The following TRAPPC9 variants were observed in gnomAD, a reference collection of about 807,000 sequenced individuals.
TRAPPC9 encodes the protein trafficking protein particle complex subunit 9.
Under a neutral mutation model 124.0 loss-of-function variants are expected in TRAPPC9, and 83 were observed. That is an observed-to-expected ratio of 0.67 (90% CI 0.56 to 0.80). The LOEUF (loss-of-function observed/expected upper bound fraction) is 0.80, where lower values mean the gene tolerates loss of function less well. TRAPPC9 is among the 30% of genes least tolerant of loss of function. The pLI is 0.00. For synonymous variants in TRAPPC9, 638 were observed against 617.5 expected, an observed-to-expected ratio of 1.03 and a Z score of -0.49; for missense variants, 1,302 against 1,508.3, an observed-to-expected ratio of 0.86 and a Z score of 2.27.
chr8:140,076,295 C>A (rs897533621), intron 17 of TRAPPC9, among the ~76,000 whole-genome samples: 1 of 152,322 alleles, frequency 6.6e-6, no homozygotes, highest in East Asian at 1.9e-4. Flanking sequence ...GAGCTGCCCT[C>A]CCCTGGCTGC....
In TRAPPC9 at chr8:140,161,935, G is replaced by A. The variant is rs551189567; in HGVS notation, c.2556+59524C>T. On this transcript the variant is annotated intron_variant, in intron 17 of 22. Coordinates refer to ENST00000438773, the MANE Select transcript of TRAPPC9 (RefSeq NM_001160372.4). The stretch of plus-strand genomic sequence containing the variant: ...CAAAGAGGCCTGGTTGCAGGCAGAC[G>A]GGCAGCCTCCCGCAGCCAAGCCCGA... Among the ~76,000 whole-genome samples, 128 of 152,212 alleles carry A rather than the reference G, an allele frequency of 8.4e-4. 1 individual carries two copies. Among genetic ancestry groups the A allele is most frequent in the African/African-American group, 2.9e-3 (122 of 41,528 alleles).
chr8:140,383,175 T>A (rs921088441), intron 7 of TRAPPC9, among the ~76,000 whole-genome samples: 1 of 152,012 alleles, frequency 6.6e-6, no homozygotes, highest in South Asian at 2.1e-4. Flanking sequence ...ATCACCATCA[T>A]CAAAGACCAA....
intron 4 of TRAPPC9, among the ~76,000 whole-genome samples, chr8:140,430,193 C>T (rs1330814539): frequency 6.6e-6 from 1 of 152,028 alleles, no homozygotes; most frequent in East Asian, 1.9e-4. Flanking sequence ...TTACAAATGT[C>T]CCTTCTAATC....
chr8:140,453,443 C>A (rs1161640413), intron 1 of TRAPPC9, among the ~76,000 whole-genome samples: 2 of 148,468 alleles, frequency 1.3e-5, no homozygotes, highest in Non-Finnish European at 3.0e-5. Flanking sequence ...TGCTATAAGA[C>A]CTCTGTGAAA....
At position 140,023,986 on chromosome 8, in the gene TRAPPC9, C is replaced by A. The variant is rs2131922578; in HGVS notation, c.2650G>T (p.Val884Phe). The stretch of plus-strand genomic sequence containing the variant: ...CGGGTGAAAAATACAGACGGCTCGA[C>A]TTCTACATGCAGCCCCAGGGAGAGA... ...RNLSLGLHVE[V>F]EPSVFFTRVS... The change falls in exon 18 of 23, where the codon GTC becomes TTC. Residue 884 changes from valine to phenylalanine, a missense_variant. Physicochemically the swap from Val to Phe is conservative, Grantham distance 50. Coordinates refer to ENST00000438773, the MANE Select transcript of TRAPPC9 (RefSeq NM_001160372.4). 6.2e-7 allele frequency: 1 copy of A among 1,614,140 alleles called. No homozygotes were observed. Among genetic ancestry groups the A allele is most frequent in the Non-Finnish European group, 8.5e-7 (1 of 1,180,028 alleles).
intron 17 of TRAPPC9, among the ~76,000 whole-genome samples, chr8:140,179,873 G>C (rs58346883): frequency 6.6e-6 from 1 of 151,636 alleles, no homozygotes; most frequent in Non-Finnish European, 1.5e-5. Flanking sequence ...TATTAATAAA[G>C]TTGTTCCTGC....
intron 19 of TRAPPC9, among the ~76,000 whole-genome samples, chr8:139,969,965 C>G (rs1327344850): frequency 6.6e-6 from 1 of 152,250 alleles, no homozygotes; most frequent in Non-Finnish European, 1.5e-5. Flanking sequence ...ATCCAAGTTT[C>G]CAGCCAGTTT....
intron 17 of TRAPPC9, among the ~76,000 whole-genome samples, chr8:140,166,452 C>A (rs1407221763): frequency 1.3e-5 from 2 of 152,226 alleles, no homozygotes; most frequent in East Asian, 3.9e-4. Flanking sequence ...TCCTCACCTC[C>A]AGGGAGCTCA....
chr8:140,014,776 G>A (rs139149936), intron 18 of TRAPPC9, among the ~76,000 whole-genome samples: 3 of 152,256 alleles, frequency 2.0e-5, no homozygotes, highest in South Asian at 2.1e-4. Context: ...ACTCACGAAC[G>A]CACAGGACAA....
intron 19 of TRAPPC9, among the ~76,000 whole-genome samples, chr8:139,955,179 C>T (rs899510661): frequency 6.6e-6 from 1 of 152,126 alleles, no homozygotes; most frequent in Non-Finnish European, 1.5e-5. Flanking sequence ...CACCAGCCAT[C>T]GGCACCATCT....
chr8:140,365,373 T>C (rs536188099), intron 8 of TRAPPC9, among the ~76,000 whole-genome samples: 13 of 152,288 alleles, frequency 8.5e-5, no homozygotes, highest in Non-Finnish European at 1.6e-4. Flanking sequence ...GTCCCTCACA[T>C]GGCACGTGGA....
At chr8:140,364,292 C>CAAAAAAA (rs34616334) in intron 8 of TRAPPC9, among the ~76,000 whole-genome samples, 1 of 53,060 alleles carries the variant, frequency 1.9e-5, no homozygotes, top group African/African-American at 5.7e-5. Flanking sequence ...TCAAAGGATG[C>CAAAAAAA]AAAAAAAAAA....
intron 16 of TRAPPC9, among the ~76,000 whole-genome samples, chr8:140,224,713 C>T (rs979573533): frequency 2.6e-5 from 4 of 152,100 alleles, no homozygotes; most frequent in Non-Finnish European, 5.9e-5. Context: ...ATTGGTAATT[C>T]TCTTCCCTCT....
At chr8:140,458,443 G>A, upstream of TRAPPC9, 2 of 1,580,004 alleles carry the variant, frequency 1.3e-6, no homozygotes, top group Non-Finnish European at 1.7e-6. Flanking sequence ...GGTGACCGTG[G>A]CGCGCGCGGC....
intron 7 of TRAPPC9, among the ~76,000 whole-genome samples, chr8:140,382,501 A>T (rs747307284): frequency 2.0e-5 from 3 of 152,260 alleles, no homozygotes; most frequent in Admixed American, 6.5e-5. Flanking sequence ...TATCCCGCGC[A>T]TGGCTGGGAG....
At chr8:140,307,628 T>C (rs1174150241) in intron 10 of TRAPPC9, among the ~76,000 whole-genome samples, 4 of 152,200 alleles carry the variant, frequency 2.6e-5, no homozygotes, top group African/African-American at 9.7e-5. Flanking sequence ...TCCCCACCTA[T>C]ATCACAGATT....
intron 17 of TRAPPC9, among the ~76,000 whole-genome samples, chr8:140,183,962 GGA>G (rs776070698): frequency 0.021 from 324 of 15,274 alleles, 12 homozygotes; most frequent in Middle Eastern, 0.071. Context: ...GGGAGGGGAG[GGA>G]GGAGGGAGGA....
At chr8:139,812,816 T>C (rs1824534623) in intron 21 of TRAPPC9, among the ~76,000 whole-genome samples, 1 of 152,208 alleles carries the variant, frequency 6.6e-6, no homozygotes, top group Non-Finnish European at 1.5e-5. Flanking sequence ...GCATGGGCTA[T>C]AGCTAAGGTG....
At chr8:140,399,900 A>T (rs1043068144) in intron 6 of TRAPPC9, among the ~76,000 whole-genome samples, 2 of 152,196 alleles carry the variant, frequency 1.3e-5, no homozygotes, top group Non-Finnish European at 2.9e-5. Context: ...CAATTCCCAC[A>T]TGTTGTGGGA....
Sources: allele counts gnomAD v4.1 joint callset (sites outside exome capture counted in the v4.1 genomes callset), GRCh38; gene constraint gnomAD v4.1.1; transcripts MANE v1.5; gene names NCBI Gene and HGNC (gene_info 2026-07-23, HGNC 2026-07-21).